WDR41: variants seen among roughly 807,000 people sequenced by gnomAD.
The protein encoded by WDR41 is WD repeat-containing protein 41.
WDR41 carries 63 observed loss-of-function variants against 69.3 expected under a neutral mutation model. The observed-to-expected ratio is 0.91, with a 90% CI of 0.74 to 1.12. The LOEUF (loss-of-function observed/expected upper bound fraction) is 1.12. Among genes scored for constraint, WDR41 ranks in the 50% most tolerant of loss-of-function variants. WDR41 has a pLI of 0.00. For synonymous variants in WDR41, 185 were observed against 192.1 expected, an observed-to-expected ratio of 0.96 and a Z score of 0.31; for missense variants, 543 against 534.5, an observed-to-expected ratio of 1.02 and a Z score of -0.16.
chr5:77,473,282 C>T (rs1418490212), intron 2 of WDR41, among the ~76,000 whole-genome samples: 2 of 152,144 alleles, frequency 1.3e-5, no homozygotes, highest in Non-Finnish European at 2.9e-5. Flanking sequence ...ACACCTTCTA[C>T]AAAAATTAAT....
chr5:77,582,814 C>A lies in WDR41; in HGVS notation c.42+37665G>T, dbSNP rs142194731. On this transcript the variant is annotated intron_variant, in intron 1 of 5. Coordinates refer to the WDR41 transcript ENST00000509971. ...ATATATAGCATGGGGGTACCCCAAT[C>A]TGAAGTCAGTAAATGAACTAATCTA... The A allele has an allele frequency of 9.6e-4, 1,544 of 1,601,210 alleles. 17 individuals are homozygous for A. The African/African-American group carries it at 0.018, about 19-fold the overall frequency.
chr5:77,579,341 A>G lies in WDR41; in HGVS notation c.42+41138T>C, dbSNP rs572209390. On this transcript the variant is annotated intron_variant, in intron 1 of 5. Transcript: ENST00000509971. ...AGGATAAATTCAAAGAGATCTGTAAATAGACACATCACACTAAAAATGCCA... is the reference window on the plus strand; with the variant it reads ...AGGATAAATTCAAAGAGATCTGTAAGTAGACACATCACACTAAAAATGCCA... Among the ~76,000 whole-genome samples, 9 of 152,322 alleles carry G rather than the reference A, an allele frequency of 5.9e-5. No homozygotes were observed. The South Asian group carries it at 1.7e-3, about 28-fold the overall frequency.
At chr5:77,545,841 A>G (rs13164056) in intron 1 of WDR41, 216,099 of 780,570 alleles carry the variant, frequency 0.28, 33,097 homozygotes, top group Non-Finnish European at 0.32. Flanking sequence ...CCGTGGGGCC[A>G]TGATCCTGGC....
At chr5:77,504,242 A>C (rs1490033820) in intron 1 of WDR41, among the ~76,000 whole-genome samples, 3 of 152,216 alleles carry the variant, frequency 2.0e-5, no homozygotes, top group African/African-American at 7.2e-5. Context: ...AGAGAATACT[A>C]TACCTCTATG....
intron 2 of WDR41, among the ~76,000 whole-genome samples, chr5:77,485,081 T>C (rs1431689486): frequency 6.6e-6 from 1 of 152,210 alleles, no homozygotes; most frequent in African/African-American, 2.4e-5. Context: ...TGGCAGAAAC[T>C]TTGTCACATC....
chr5:77,433,709 A>G (rs1342235581), intron 12 of WDR41, among the ~76,000 whole-genome samples: 1 of 152,014 alleles, frequency 6.6e-6, no homozygotes, highest in Non-Finnish European at 1.5e-5. Flanking sequence ...AAGTGTCAGC[A>G]CTACGTTTAT....
At chr5:77,449,702 A>G in intron 8 of WDR41, 58 bp downstream of exon 8, 2 of 1,129,110 alleles carry the variant, frequency 1.8e-6, no homozygotes, top group Non-Finnish European at 1.3e-6. Flanking sequence ...TCGTGTTCAG[A>G]GCAGGTTGTG....
intron 2 of WDR41, among the ~76,000 whole-genome samples, chr5:77,475,189 G>C (rs972052066): frequency 6.6e-6 from 1 of 152,180 alleles, no homozygotes. Flanking sequence ...CTCGCTAATT[G>C]CTAGCACAGC....
At chr5:77,502,439 A>G (rs529652195) in intron 1 of WDR41, among the ~76,000 whole-genome samples, 29 of 152,324 alleles carry the variant, frequency 1.9e-4, no homozygotes, top group South Asian at 1.7e-3. Flanking sequence ...CAAGTTGGAA[A>G]ACACTCTTCA....
intron 1 of WDR41, among the ~76,000 whole-genome samples, chr5:77,595,774 T>C (rs1415785929): frequency 1.3e-5 from 2 of 152,292 alleles, no homozygotes; most frequent in Non-Finnish European, 2.9e-5. Context: ...ATTTCACATC[T>C]GTTACTAGTG....
intron 1 of WDR41, among the ~76,000 whole-genome samples, chr5:77,558,817 A>C (rs1580009480): frequency 6.6e-6 from 1 of 152,188 alleles, no homozygotes; most frequent in South Asian, 2.1e-4. Context: ...GCAAGACATG[A>C]ATTGTTTAGA....
intron 1 of WDR41, among the ~76,000 whole-genome samples, chr5:77,513,447 T>A (rs1440940379): frequency 6.6e-6 from 1 of 152,192 alleles, no homozygotes. Flanking sequence ...TTCACAATAG[T>A]CTAGATACAT....
At chr5:77,499,502 G>A in intron 1 of WDR41, 1 of 152,338 alleles carries the variant, frequency 6.6e-6, no homozygotes, top group Non-Finnish European at 1.5e-5. Context: ...GACTGCAGGA[G>A]CCAAAACTCT....
At chr5:77,564,666 C>T (rs1340115819) in intron 1 of WDR41, among the ~76,000 whole-genome samples, 6 of 151,952 alleles carry the variant, frequency 3.9e-5, no homozygotes, top group African/African-American at 1.5e-4. Flanking sequence ...GTACATATTC[C>T]CCTTGGTAAG....
At chr5:77,586,225 A>T (rs1217382083) in intron 1 of WDR41, among the ~76,000 whole-genome samples, 1 of 152,272 alleles carries the variant, frequency 6.6e-6, no homozygotes, top group South Asian at 2.1e-4. Flanking sequence ...TTTATACTTT[A>T]TATGGGTAAA....
At chr5:77,466,895 T>C (rs1800332219) in intron 2 of WDR41, among the ~76,000 whole-genome samples, 1 of 151,672 alleles carries the variant, frequency 6.6e-6, no homozygotes, top group Admixed American at 6.6e-5. Context: ...CAGTATAACT[T>C]TGACACATAT....
chr5:77,499,296 A>C (rs1473136037), intron 1 of WDR41: 1 of 152,254 alleles, frequency 6.6e-6, no homozygotes, highest in African/African-American at 2.4e-5. Context: ...TCTGGAAAGG[A>C]GCACTGTGGT....
chr5:77,555,035 C>T (rs75037653), intron 1 of WDR41, among the ~76,000 whole-genome samples: 2,061 of 151,690 alleles, frequency 0.014, 23 homozygotes, highest in Non-Finnish European at 0.019. Flanking sequence ...GGAGGCTGTA[C>T]CTGATTGTAC....
chr5:77,481,078 A>G (rs1305539894), intron 2 of WDR41, among the ~76,000 whole-genome samples: 2 of 151,568 alleles, frequency 1.3e-5, no homozygotes, highest in Non-Finnish European at 2.9e-5. Flanking sequence ...CTGGAGTGCA[A>G]TGGCGTGATC....
Sources: gnomAD v4.1 joint callset for allele counts (sites outside exome capture counted in the v4.1 genomes callset) on GRCh38, gnomAD v4.1.1 for gene constraint, MANE v1.5 for transcripts, NCBI Gene and HGNC (gene_info 2026-07-23, HGNC 2026-07-21) for gene names.